PPIF: variants seen among roughly 807,000 people sequenced by gnomAD.
PPIF encodes the protein peptidyl-prolyl cis-trans isomerase F, mitochondrial.
Under a neutral mutation model 20.2 loss-of-function variants are expected in PPIF, and 23 were observed. That is an observed-to-expected ratio of 1.14 (90% CI 0.82 to 1.61). The LOEUF (loss-of-function observed/expected upper bound fraction) is 1.61. PPIF is among the 40% of genes most tolerant of loss of function. PPIF has a pLI of 0.00. For synonymous variants in PPIF, 113 were observed against 123.1 expected (o/e 0.92, Z 0.54); for missense variants, 287 against 291.6 (o/e 0.98, Z 0.11).
chr10:79,349,957 G>A, intron 3 of PPIF: 1 of 1,143,250 alleles, frequency 8.7e-7, no homozygotes, highest in Non-Finnish European at 1.2e-6. Context: ...CCAGGTCAGT[G>A]GCAGGCCCTG....
intron 3 of PPIF, among the ~76,000 whole-genome samples, 164 bp from the exon 4 acceptor site, chr10:79,351,323 A>G (rs1462743060): frequency 7.0e-6 from 1 of 143,162 alleles, no homozygotes; most frequent in Non-Finnish European, 1.5e-5. Context: ...TTTTTTGCTT[A>G]TTATTCTTAT....
chr10:79,347,720 C>A lies in PPIF; in HGVS notation c.172C>A (p.Pro58Thr). ...VYLDVDANGK[P>T]LGRVVLELKA... ...CCTGGACGTGGACGCCAACGGGAAGCCGCTCGGCCGCGTGGTGCTGGAGGT... is the reference window on the plus strand; with the variant it reads ...CCTGGACGTGGACGCCAACGGGAAGACGCTCGGCCGCGTGGTGCTGGAGGT... The change falls in exon 1 of 6, where the codon CCG becomes ACG. Residue 58 changes from proline (P) to threonine (T), a missense_variant. Physicochemically the swap from Pro to Thr is conservative, Grantham distance 38. Coordinates refer to ENST00000225174, the MANE Select transcript of PPIF (RefSeq NM_005729.4). The A allele has an allele frequency of 7.0e-7, 1 of 1,438,688 alleles. No individual in the cohort carries two copies. The highest frequency in any genetic ancestry group is 9.2e-7 in the Non-Finnish European group (1 of 1,089,958). The allele number at this position is 1,438,688 out of a possible 1,614,324, so 89.1% of individuals were successfully genotyped here. A position where few individuals can be genotyped will look rare whatever the true frequency, so the allele number is the denominator to read the frequency against.
Position 79,349,094 on chromosome 10 carries a change from C to T in PPIF, c.214C>T (p.Pro72Ser), listed in dbSNP as rs11557024. ...VVLELKADVVPKTAENFRALC... is the reference protein window; with the variant it reads ...VVLELKADVVSKTAENFRALC... ...CCAACAGCTGAAGGCAGATGTCGTC[C>T]CAAAGACAGCTGGTAAGACAGGGCC... is the stretch of plus-strand genomic sequence containing the variant. Residue 72 changes from proline to serine, a missense_variant, in exon 2 of 6, where the codon CCA (proline) becomes TCA (serine). Physicochemically the swap from Pro to Ser is moderately conservative, Grantham distance 74 (BLOSUM62 -1). Coordinates refer to ENST00000225174, the MANE Select transcript of PPIF (RefSeq NM_005729.4). The T allele has an allele frequency of 9.9e-6, 16 of 1,613,860 alleles. No homozygotes were observed. In the South Asian group the frequency reaches 1.8e-4, roughly 18 times the overall value.
rs574265892 is a variant in PPIF at position 79,352,547 on chromosome 10, G to T, written c.488+155G>T. 6.6e-5 allele frequency among the ~76,000 whole-genome samples: 10 copies of T among 152,348 alleles called. No homozygotes were observed. In the South Asian group the frequency reaches 2.1e-3, roughly 32 times the overall value. ...TGTGTGTTTGTATGAGAAAGAGAAA[G>T]TTAGTGGAAGGATCAAGGGAGAATT... On this transcript the variant is annotated intron_variant, in intron 5 of 5. Transcript: ENST00000225174.
rs2233714 is a variant in PPIF at position 79,347,539 on chromosome 10, C to G, written c.-10C>G. 2.0e-3 allele frequency: 2,639 copies of G among 1,299,730 alleles called. 46 individuals carry two copies. In the African/African-American group the frequency reaches 0.037, roughly 18 times the overall value. The allele number at this position is 1,299,730 out of a possible 1,614,324, so 80.5% of individuals were successfully genotyped here. On this transcript the variant is annotated 5_prime_UTR_variant, in exon 1 of 6. Coordinates refer to ENST00000225174, the MANE Select transcript of PPIF (RefSeq NM_005729.4). The stretch of plus-strand genomic sequence containing the variant: ...CTCCCCGCCCGTGTCCCGCCCGACC[C>G]GCGCCCGCGATGCTGGCGCTGCGCT...
intron 3 of PPIF, 92 bp downstream of exon 3, chr10:79,349,845 A>T: frequency 3.2e-6 from 5 of 1,572,592 alleles, no homozygotes; most frequent in Non-Finnish European, 4.3e-6. Flanking sequence ...GGTGCTGAGC[A>T]GAGCAGCTGC....
Position 79,351,526 on chromosome 10 carries a change from T to TC in PPIF, c.357dup (p.Ile120HisfsTer8), listed in dbSNP as rs745341136. ...CAACCACAATGGCACAGGCGGGAAG[T>TC]CCATCTACGGAAGCCGCTTTCCTGA... On this transcript the variant is annotated frameshift_variant, in exon 4 of 6. Coordinates refer to ENST00000225174, the MANE Select transcript of PPIF (RefSeq NM_005729.4). LOFTEE classifies it high-confidence loss of function. The TC allele has an allele frequency of 1.2e-4, 186 of 1,613,978 alleles. 1 individual carries two copies. Among genetic ancestry groups the TC allele is most frequent in the Middle Eastern group, 9.9e-4 (6 of 6,056 alleles).
chr10:79,348,190 C>G (rs1290496219), intron 1 of PPIF, among the ~76,000 whole-genome samples: 2 of 152,132 alleles, frequency 1.3e-5, no homozygotes, highest in Non-Finnish European at 2.9e-5. Context: ...CCCCTGCGGT[C>G]GGGCTCACAC....
intron 3 of PPIF, 38 bp downstream of exon 3, chr10:79,349,791 C>A (rs368430980): frequency 3.4e-5 from 55 of 1,612,630 alleles, no homozygotes; most frequent in Non-Finnish European, 4.2e-5. Context: ...GGGATGAGAG[C>A]AGGAGCTGCC....
In PPIF at chr10:79,352,341, G is replaced by A. The variant is rs755977187; in HGVS notation, c.437G>A (p.Gly146Asp). 6.2e-6 allele frequency: 10 copies of A among 1,614,176 alleles called. No individual in the cohort carries two copies. The South Asian group carries it at 1.1e-4, about 18-fold the overall frequency. The change falls in exon 5 of 6, where the codon GGT becomes GAT. Residue 146 changes from glycine (G) to aspartate (D), a missense_variant. Coordinates refer to ENST00000225174, the MANE Select transcript of PPIF (RefSeq NM_005729.4). ...GGTGTCCTGTCCATGGCTAATGCTG[G>A]TCCTAACACCAACGGCTCCCAGTTC... is the stretch of plus-strand genomic sequence containing the variant. ...GPGVLSMANA[G>D]PNTNGSQFFI...
intron 3 of PPIF, among the ~76,000 whole-genome samples, chr10:79,350,711 G>C (rs915155393): frequency 1.3e-5 from 2 of 152,232 alleles, no homozygotes; most frequent in South Asian, 4.1e-4. Flanking sequence ...GTGGCACCGG[G>C]AGTCCAGACC....
At chr10:79,352,515 C>A in intron 5 of PPIF, 123 bp downstream of exon 5, 1 of 958,552 alleles carries the variant, frequency 1.0e-6, no homozygotes, top group South Asian at 1.4e-5. Context: ...GTGGCCCTCT[C>A]CCAGGCTGTG....
chr10:79,352,777 C>T (rs1855999589), intron 5 of PPIF, among the ~76,000 whole-genome samples: 1 of 152,222 alleles, frequency 6.6e-6, no homozygotes, highest in South Asian at 2.1e-4. Context: ...GTTTCCCAGG[C>T]TTGTCTTGAC....
At chr10:79,348,605 C>T (rs1204352429) in intron 1 of PPIF, among the ~76,000 whole-genome samples, 1 of 152,140 alleles carries the variant, frequency 6.6e-6, no homozygotes, top group African/African-American at 2.4e-5. Context: ...CATTTGGTTC[C>T]AGGGTGGGTC....
intron 5 of PPIF, 46 bp downstream of exon 5, chr10:79,352,438 A>T (rs748324062): frequency 8.9e-6 from 14 of 1,578,100 alleles, no homozygotes; most frequent in Non-Finnish European, 1.1e-5. Context: ...GCAGCCTTGC[A>T]GCTGGAGGAG....
rs1238567313 is a variant in PPIF, at chr10:79,352,056, T to TGCCCCAGGTCCC, written c.413-253_413-242dup. Among the ~76,000 whole-genome samples, 303 of 152,278 alleles carry TGCCCCAGGTCCC rather than the reference T, an allele frequency of 2.0e-3. 1 individual carries two copies. The highest frequency in any genetic ancestry group is 7.0e-3 in the African/African-American group (289 of 41,554). On this transcript the variant is annotated intron_variant, in intron 4 of 5. Transcript: ENST00000225174. ...GTCTGGAGGTCAGGTCCTGGGGTCC[T>TGCCCCAGGTCCC]GCCCCAGGTCCCGCCCCAGCTCTAC... is the stretch of plus-strand genomic sequence containing the variant.
chr10:79,352,156 AC>A (rs1413384582), intron 4 of PPIF, among the ~76,000 whole-genome samples, 160 bp from the exon 5 acceptor site: 1 of 151,904 alleles, frequency 6.6e-6, no homozygotes, highest in Admixed American at 6.6e-5. Flanking sequence ...AGGCAGGCAT[AC>A]CCTGGGGGGC....
Position 79,347,649 on chromosome 10 carries a change from C to T in PPIF, c.101C>T (p.Ser34Phe), listed in dbSNP as rs778407138. ...LPAARACSKGSGDPSSSSSSG... is the reference protein window; with the variant it reads ...LPAARACSKGFGDPSSSSSSG... ...GCGGCCCGCGCCTGCAGCAAGGGCT[C>T]CGGCGACCCGTCCTCTTCCTCCTCC... Residue 34 changes from serine to phenylalanine, a missense_variant, in exon 1 of 6, where the codon TCC becomes TTC. Physicochemically the swap from Ser to Phe is radical, Grantham distance 155 (BLOSUM62 -2). Transcript: ENST00000225174. 2.0e-6 allele frequency: 3 copies of T among 1,464,076 alleles called. No homozygotes were observed. Among genetic ancestry groups the T allele is most frequent in the African/African-American group, 1.5e-5 (1 of 67,992 alleles). 90.7% of individuals were successfully genotyped at this position (1,464,076 alleles called of 1,614,324 possible).
chr10:79,351,629 C>T, intron 4 of PPIF, 46 bp downstream of exon 4: 1 of 1,577,966 alleles, frequency 6.3e-7, no homozygotes, highest in Non-Finnish European at 8.7e-7. Flanking sequence ...CAGCTCTGAC[C>T]TGGCCTGGAA....
Sources: allele counts gnomAD v4.1 joint callset (sites outside exome capture counted in the v4.1 genomes callset), GRCh38; gene constraint gnomAD v4.1.1; transcripts MANE v1.5; gene names NCBI Gene and HGNC (gene_info 2026-07-23, HGNC 2026-07-21).